ORC1: variants seen among roughly 807,000 people sequenced by gnomAD.
ORC1 encodes origin recognition complex subunit 1, also known as origin recognition complex, subunit 1 homolog.
Under a neutral mutation model 98.9 loss-of-function variants are expected in ORC1, and 61 were observed. The observed-to-expected ratio is 0.62, with a 90% CI of 0.50 to 0.76. ORC1 has a LOEUF of 0.76. ORC1 is among the 30% of genes least tolerant of loss of function. The pLI is 0.00. For missense variants in ORC1, 979 were observed against 1,072.2 expected, an observed-to-expected ratio of 0.91 and a Z score of 1.21; for synonymous variants, 385 against 406.9, an observed-to-expected ratio of 0.95 and a Z score of 0.65.
chr1:52,388,708 T>A (rs1421720168), intron 7 of ORC1, 71 bp from the exon 8 acceptor site: 7 of 1,374,522 alleles, frequency 5.1e-6, no homozygotes, highest in East Asian at 2.3e-5. Context: ...ATAACATTAG[T>A]GTGGATTACA....
At chr1:52,383,697 C>A in intron 12 of ORC1, 128 bp from the exon 13 acceptor site, 4 of 1,299,598 alleles carry the variant, frequency 3.1e-6, no homozygotes, top group Non-Finnish European at 4.4e-6. Context: ...AATCCATTGA[C>A]ACACGCCTCT....
In ORC1 at chr1:52,396,283, C is replaced by G; in HGVS notation, c.484G>C (p.Glu162Gln). 6.2e-7 allele frequency: 1 copy of G among 1,614,200 alleles called. No individual in the cohort carries two copies. ...GAGGAAAGTGGCCTGAATTTCTTCT[C>G]ATTCCAGGATAGTTTCACAAAGAGT... The part of the protein sequence containing the change: ...KTLFVKLSWN[E>Q]KKFRPLSSEL... Residue 162 changes from glutamate to glutamine, a missense_variant, in exon 5 of 17, where the codon GAG becomes CAG. Transcript: ENST00000371568.
chr1:52,408,551 C>T, upstream of ORC1: 1 of 1,614,056 alleles, frequency 6.2e-7, no homozygotes. Flanking sequence ...TGTTGTTTCA[C>T]TGTCATCTGT....
At chr1:52,389,433 C>A in intron 6 of ORC1, 112 bp from the exon 7 acceptor site, 1 of 744,712 alleles carries the variant, frequency 1.3e-6, no homozygotes, top group Non-Finnish European at 2.4e-6. Context: ...TTTATATATA[C>A]TTTGAAAAGA....
chr1:52,389,290 C>G lies in ORC1; in HGVS notation c.1114G>C (p.Ala372Pro), dbSNP rs781040769. 1.1e-5 allele frequency: 17 copies of G among 1,614,058 alleles called. No individual in the cohort carries two copies. Among genetic ancestry groups the G allele is most frequent in the Non-Finnish European group, 1.3e-5 (15 of 1,180,034 alleles). ...CGGATACGATGGGGAGTAGAGGTCG[C>G]TTCATTCTGGGCTTTTGCTTCTTTT... ...DAKEAKAQNE[A>P]TSTPHRIRRK... Residue 372 changes from alanine (A) to proline (P), a missense_variant, in exon 7 of 17, where the codon GCG becomes CCG. Ala to Pro is a conservative substitution (Grantham distance 27). Transcript: ENST00000371568.
At chr1:52,387,738 A>G (rs1647162836) in intron 8 of ORC1, among the ~76,000 whole-genome samples, 1 of 152,168 alleles carries the variant, frequency 6.6e-6, no homozygotes, top group Non-Finnish European at 1.5e-5. Flanking sequence ...GATTACACGC[A>G]TGAGCCACCA....
upstream of ORC1, among the ~76,000 whole-genome samples, chr1:52,408,041 G>A (rs1395458644): frequency 6.6e-6 from 1 of 152,206 alleles, no homozygotes; most frequent in African/African-American, 2.4e-5. Flanking sequence ...GGGCAACAGA[G>A]CAAGATTCTG....
chr1:52,380,630 G>A (rs1189446442), intron 14 of ORC1, among the ~76,000 whole-genome samples: 2 of 151,942 alleles, frequency 1.3e-5, no homozygotes, highest in Non-Finnish European at 2.9e-5. Flanking sequence ...AGAAGGCGGA[G>A]GTTGCAGTGA....
intron 5 of ORC1, among the ~76,000 whole-genome samples, chr1:52,394,642 C>CTTGT (rs1647312880): frequency 6.6e-6 from 1 of 151,994 alleles, no homozygotes; most frequent in African/African-American, 2.4e-5. Flanking sequence ...GAAAAACTCC[C>CTTGT]TTGTTTCTTT....
intron 14 of ORC1, among the ~76,000 whole-genome samples, chr1:52,377,653 G>C (rs1025612519): frequency 3.6e-5 from 5 of 140,406 alleles, no homozygotes; most frequent in African/African-American, 1.3e-4. Context: ...CAATTCTCAA[G>C]TGGAGAATTT....
chr1:52,402,301 T>C, intron 1 of ORC1, 73 bp from the exon 2 acceptor site: 2 of 1,104,430 alleles, frequency 1.8e-6, no homozygotes, highest in South Asian at 2.5e-5. Context: ...TAAGACATAG[T>C]CAGTCCCTCC....
intron 9 of ORC1, among the ~76,000 whole-genome samples, chr1:52,385,582 C>T (rs553906384): frequency 6.6e-6 from 1 of 152,190 alleles, no homozygotes; most frequent in Non-Finnish European, 1.5e-5. Context: ...GAGGCACTGT[C>T]CTGACTAATC....
chr1:52,396,939 T>C lies in ORC1; in HGVS notation c.403-575A>G, dbSNP rs112974581. Among the ~76,000 whole-genome samples the C allele has an allele frequency of 1.5e-3, 230 of 152,250 alleles. 3 individuals carry two copies. The highest frequency in any genetic ancestry group is 5.0e-3 in the African/African-American group (209 of 41,538). ...GAGTGCGCAATACTCCTTGAAGAGGTCTTGTCACAGTCCTGCTATTCCCAC... is the reference window on the plus strand; with the variant it reads ...GAGTGCGCAATACTCCTTGAAGAGGCCTTGTCACAGTCCTGCTATTCCCAC... On this transcript the variant is annotated intron_variant, in intron 4 of 16. Coordinates refer to ENST00000371568, the MANE Select transcript of ORC1 (RefSeq NM_004153.4).
intron 6 of ORC1, among the ~76,000 whole-genome samples, chr1:52,389,857 A>G (rs1647186571): frequency 6.6e-6 from 1 of 152,196 alleles, no homozygotes; most frequent in African/African-American, 2.4e-5. Context: ...AATAGTCTCC[A>G]GTTAAAAAAT....
intron 1 of ORC1, 131 bp from the exon 2 acceptor site, chr1:52,402,359 C>T (rs923396986): frequency 2.5e-4 from 181 of 725,384 alleles, no homozygotes; most frequent in Admixed American, 6.3e-5. Context: ...CACTCCCATA[C>T]ATTTTAGACT....
intron 13 of ORC1, among the ~76,000 whole-genome samples, chr1:52,382,745 A>T (rs1296084168): frequency 2.0e-5 from 3 of 151,812 alleles, no homozygotes; most frequent in African/African-American, 7.3e-5. Context: ...ACACCTGGCT[A>T]ATTTTTGTCT....
chr1:52,396,094 G>A lies in ORC1; in HGVS notation c.673C>T (p.Pro225Ser), dbSNP rs780578061. ...RHSASKSRQT[P>S]THPLTPRARK... ...GCTCTTGGGGTAAGAGGATGGGTAG[G>A]AGTTTGGCGAGATTTGGAGGCGGAG... The change falls in exon 5 of 17, where the codon CCT becomes TCT. Residue 225 changes from proline to serine, a missense_variant. By Grantham distance (74) the Pro-to-Ser change is moderately conservative. Transcript: ENST00000371568. 7 of 1,614,072 alleles carry A rather than the reference G, an allele frequency of 4.3e-6. No individual in the cohort carries two copies. The highest frequency in any genetic ancestry group is 1.3e-5 in the African/African-American group (1 of 74,908).
Position 52,396,245 on chromosome 1 carries a change from C to T in ORC1, c.522G>A (p.Ala174=), listed in dbSNP as rs994584948. The T allele has an allele frequency of 1.8e-5, 29 of 1,614,178 alleles. No individual in the cohort carries two copies. The highest frequency in any genetic ancestry group is 2.7e-5 in the African/African-American group (2 of 75,038). ...CACTCTCTTGTGGTTTATTCAACTC[C>T]GCAAATAGTTCTGAGGAAAGTGGCC... The part of the protein sequence containing the change: ...KFRPLSSELF[A]ELNKPQESAA... The change falls in exon 5 of 17, where the codon GCG becomes GCA. Residue 174 remains alanine (A), a synonymous_variant. Coordinates refer to ENST00000371568, the MANE Select transcript of ORC1 (RefSeq NM_004153.4).
intron 8 of ORC1, among the ~76,000 whole-genome samples, chr1:52,386,482 CT>C (rs1647144752): frequency 6.6e-6 from 1 of 152,168 alleles, no homozygotes; most frequent in South Asian, 2.1e-4. Context: ...TAACAGCCCT[CT>C]ATCTTCTTCC....
Sources: gnomAD v4.1 joint callset for allele counts (sites outside exome capture counted in the v4.1 genomes callset) on GRCh38, gnomAD v4.1.1 for gene constraint, MANE v1.5 for transcripts, NCBI Gene and HGNC (gene_info 2026-07-23, HGNC 2026-07-21) for gene names.